The following TUBGCP3 variants were observed in gnomAD, a reference collection of about 807,000 sequenced individuals.
TUBGCP3 encodes the protein gamma-tubulin complex component 3.
A neutral mutation model predicts 123.1 loss-of-function variants in TUBGCP3; 50 were observed. That is an observed-to-expected ratio of 0.41 (90% CI 0.32 to 0.51). TUBGCP3 has a LOEUF of 0.51. TUBGCP3 is among the 20% of genes least tolerant of loss of function. The probability of loss-of-function intolerance (pLI) is 0.36; values close to 1 mark genes in which losing one functional copy is unlikely to be tolerated. For missense variants in TUBGCP3, 882 were observed against 1,127.0 expected (o/e 0.78, Z 3.11); for synonymous variants, 405 against 413.9 (o/e 0.98, Z 0.26).
chr13:112,552,424 G>A (rs9604358), intron 8 of TUBGCP3, among the ~76,000 whole-genome samples: 20,852 of 152,220 alleles, frequency 0.14, 2,418 homozygotes, highest in African/African-American at 0.31. Flanking sequence ...TACCTGCCTC[G>A]AGAAAGAGCC....
intron 1 of TUBGCP3, among the ~76,000 whole-genome samples, chr13:112,578,297 C>T (rs564325122): frequency 1.3e-5 from 2 of 151,954 alleles, no homozygotes; most frequent in Non-Finnish European, 2.9e-5. Context: ...CGGTGGCTCA[C>T]GCCTGTAATC....
chr13:112,582,965 T>C (rs1280281985), intron 1 of TUBGCP3, among the ~76,000 whole-genome samples: 1 of 152,200 alleles, frequency 6.6e-6, no homozygotes, highest in Non-Finnish European at 1.5e-5. Context: ...ATTGTCTCTA[T>C]CGAGCACACA....
chr13:112,506,282 T>C (rs1881299735), intron 17 of TUBGCP3, among the ~76,000 whole-genome samples: 1 of 152,126 alleles, frequency 6.6e-6, no homozygotes, highest in South Asian at 2.1e-4. Context: ...TCCACATCCA[T>C]GCACCGCCCA....
At chr13:112,564,934 G>T (rs1880837038) in intron 3 of TUBGCP3, among the ~76,000 whole-genome samples, 177 bp downstream of exon 3, 1 of 152,174 alleles carries the variant, frequency 6.6e-6, no homozygotes, top group African/African-American at 2.4e-5. Flanking sequence ...ATTAAATCCA[G>T]CTAAAACTTC....
At chr13:112,531,973 T>A (rs941628526) in intron 11 of TUBGCP3, among the ~76,000 whole-genome samples, 1 of 152,214 alleles carries the variant, frequency 6.6e-6, no homozygotes, top group African/African-American at 2.4e-5. Flanking sequence ...CATTAATTGC[T>A]GGACAAATGC....
rs552284371 is a variant in TUBGCP3, at chr13:112,582,351, T to C, written c.76+5554A>G. On this transcript the variant is annotated intron_variant, in intron 1 of 21. Transcript: ENST00000261965. Reference sequence around the variant, plus strand: ...TGGTTAATGAGACAGACGTAGAACATAACAAATGTGGCACATAAGTACCCA... The same window carrying C: ...TGGTTAATGAGACAGACGTAGAACACAACAAATGTGGCACATAAGTACCCA... Among the ~76,000 whole-genome samples, 26 of 152,282 alleles carry C rather than the reference T, an allele frequency of 1.7e-4. No individual in the cohort carries two copies. The South Asian group carries it at 5.4e-3, about 32-fold the overall frequency.
At chr13:112,527,520 A>ATATT in intron 11 of TUBGCP3, 36 bp from the exon 12 acceptor site, 2 of 1,447,112 alleles carry the variant, frequency 1.4e-6, no homozygotes, top group Non-Finnish European at 9.7e-7. Context: ...TTCAAGAGTG[A>ATATT]TATTTATGGC....
intron 11 of TUBGCP3, among the ~76,000 whole-genome samples, chr13:112,536,708 T>C (rs577643013): frequency 1.3e-5 from 2 of 152,312 alleles, no homozygotes; most frequent in East Asian, 3.9e-4. Flanking sequence ...CTATATATAA[T>C]CTTTATTATA....
chr13:112,602,072 G>A, the TUBGCP3 span, among the ~76,000 whole-genome samples: 1 of 152,200 alleles, frequency 6.6e-6, no homozygotes, highest in Non-Finnish European at 1.5e-5. Flanking sequence ...AGTCTGAAGT[G>A]GTGAGTAGCC....
chr13:112,503,935 G>A (rs1235559997), intron 19 of TUBGCP3, 97 bp downstream of exon 19: 2 of 1,380,614 alleles, frequency 1.4e-6, no homozygotes, highest in African/African-American at 1.4e-5. Context: ...CAATGTGGCT[G>A]CATCAGGGCA....
intron 5 of TUBGCP3, 67 bp downstream of exon 5, chr13:112,558,129 G>C: frequency 6.7e-7 from 1 of 1,501,384 alleles, no homozygotes; most frequent in South Asian, 1.3e-5. Context: ...TCAATGTCTG[G>C]TTAACAGCCT....
In TUBGCP3 at chr13:112,569,148, G is replaced by T; in HGVS notation, c.184+4C>A. On this transcript the variant is annotated splice_donor_region_variant and intron_variant, in intron 2 of 21. Coordinates refer to ENST00000261965, the MANE Select transcript of TUBGCP3 (RefSeq NM_006322.6). The stretch of plus-strand genomic sequence containing the variant: ...AACACATGACATTTAAGAAAAATAC[G>T]TACGCTCTTTCTTGATTTTTTCAGC... 1 of 1,613,514 alleles carries T rather than the reference G, an allele frequency of 6.2e-7. No homozygotes were observed. The highest frequency in any genetic ancestry group is 1.1e-5 in the South Asian group (1 of 91,054).
intron 11 of TUBGCP3, among the ~76,000 whole-genome samples, chr13:112,544,218 C>T (rs1188423086): frequency 6.6e-6 from 1 of 151,952 alleles, no homozygotes; most frequent in East Asian, 1.9e-4. Context: ...CTTTGGGAGG[C>T]CAAGGCGGGC....
At chr13:112,557,854 C>T (rs1300061777) in intron 5 of TUBGCP3, among the ~76,000 whole-genome samples, 2 of 152,206 alleles carry the variant, frequency 1.3e-5, no homozygotes, top group African/African-American at 2.4e-5. Context: ...AATGAAGAGG[C>T]CACTATTCCC....
intron 10 of TUBGCP3, 125 bp downstream of exon 10, chr13:112,547,495 G>A: frequency 7.5e-7 from 1 of 1,331,464 alleles, no homozygotes; most frequent in Non-Finnish European, 9.7e-7. Context: ...AACAAAGCGA[G>A]TGCCAGACGC....
chr13:112,559,861 ACAGGGG>A (rs1880352108), intron 3 of TUBGCP3, among the ~76,000 whole-genome samples: 1 of 152,214 alleles, frequency 6.6e-6, no homozygotes, highest in African/African-American at 2.4e-5. Context: ...TGGGCCGGGA[ACAGGGG>A]CTCACGCCTG....
intron 1 of TUBGCP3, among the ~76,000 whole-genome samples, chr13:112,573,909 T>G (rs558999961): frequency 6.6e-6 from 1 of 152,370 alleles, no homozygotes; most frequent in East Asian, 1.9e-4. Flanking sequence ...AACACTGTTC[T>G]CCATCCTAGG....
At position 112,540,960 on chromosome 13, in the gene TUBGCP3, T is replaced by C. The variant is rs1878472837; in HGVS notation, c.1335+4739A>G. Among the ~76,000 whole-genome samples, 3 of 152,238 alleles carry C rather than the reference T, an allele frequency of 2.0e-5. No homozygotes were observed. The South Asian group carries it at 6.2e-4, about 32-fold the overall frequency. On this transcript the variant is annotated intron_variant, in intron 11 of 21. Transcript: ENST00000261965. ...AAAACATGAACATTAGCCTTATACA[T>C]ATTCTAAGCAACAAGAGTGCTTCAA...
chr13:112,509,305 G>A (rs1308267875), intron 17 of TUBGCP3, among the ~76,000 whole-genome samples: 1 of 152,194 alleles, frequency 6.6e-6, no homozygotes, highest in Non-Finnish European at 1.5e-5. Context: ...TAGGCCATGA[G>A]CTGCTTGGCC....
Sources: allele counts gnomAD v4.1 joint callset (sites outside exome capture counted in the v4.1 genomes callset), GRCh38; gene constraint gnomAD v4.1.1; transcripts MANE v1.5; gene names NCBI Gene and HGNC (gene_info 2026-07-23, HGNC 2026-07-21).